Variants in BABAM2 observed in about 807,000 individuals in gnomAD.
BABAM2 encodes BRISC and BRCA1-A complex member 2.
A neutral mutation model predicts 54.7 loss-of-function variants in BABAM2; 31 were observed. The ratio of observed to expected loss-of-function variants is 0.57; its 90% confidence interval spans 0.43 to 0.77. The LOEUF (loss-of-function observed/expected upper bound fraction) is 0.77. BABAM2 is among the 30% of genes least tolerant of loss of function. The pLI is 0.00. For synonymous variants in BABAM2, 167 were observed against 162.9 expected (o/e 1.03, Z -0.19); for missense variants, 364 against 455.8 (o/e 0.80, Z 1.83).
intron 6 of BABAM2, among the ~76,000 whole-genome samples, chr2:28,109,477 C>A (rs916623323): frequency 3.3e-5 from 5 of 152,022 alleles, no homozygotes; most frequent in African/African-American, 9.7e-5. Flanking sequence ...TGTGAGCCAC[C>A]GCACCCTGCC....
At chr2:27,908,761 C>G (rs1666370056) in intron 2 of BABAM2, among the ~76,000 whole-genome samples, 1 of 152,166 alleles carries the variant, frequency 6.6e-6, no homozygotes, top group Non-Finnish European at 1.5e-5. Context: ...GCAGCTGCAT[C>G]TATGTTGCTG....
chr2:28,250,835 G>A (rs963454849), intron 10 of BABAM2, among the ~76,000 whole-genome samples: 1 of 151,978 alleles, frequency 6.6e-6, no homozygotes, highest in Non-Finnish European at 1.5e-5. Context: ...TCCTGACCTC[G>A]TGATCTACCC....
intron 7 of BABAM2, among the ~76,000 whole-genome samples, chr2:28,213,410 C>T (rs1459930180): frequency 2.0e-5 from 3 of 151,916 alleles, no homozygotes; most frequent in African/African-American, 4.8e-5. Flanking sequence ...TTGAGACATA[C>T]ATGCAAATTG....
At chr2:28,326,887 T>TCC in intron 11 of BABAM2, among the ~76,000 whole-genome samples, 1 of 151,622 alleles carries the variant, frequency 6.6e-6, no homozygotes, top group Non-Finnish European at 1.5e-5. Context: ...CCCTTCCCCT[T>TCC]CCTTGTAATG....
At chr2:28,049,246 GA>G (rs2148618049) in intron 6 of BABAM2, among the ~76,000 whole-genome samples, 1 of 152,276 alleles carries the variant, frequency 6.6e-6, no homozygotes, top group East Asian at 1.9e-4. Flanking sequence ...CAAAAATATG[GA>G]GGCAAATTGT....
At chr2:28,175,004 A>C (rs1460234082) in intron 7 of BABAM2, among the ~76,000 whole-genome samples, 1 of 152,088 alleles carries the variant, frequency 6.6e-6, no homozygotes, top group Admixed American at 6.5e-5. Context: ...GGAAGCCAAA[A>C]TGCATGCTTC....
At chr2:28,278,948 G>C (rs1402734995) in intron 10 of BABAM2, among the ~76,000 whole-genome samples, 1 of 152,252 alleles carries the variant, frequency 6.6e-6, no homozygotes, top group Non-Finnish European at 1.5e-5. Flanking sequence ...GCGGAAGCCA[G>C]ATGTGAATGG....
chr2:28,141,309 CCCCATGAT>C (rs77881856), intron 7 of BABAM2, among the ~76,000 whole-genome samples: 37,042 of 151,862 alleles, frequency 0.24, 5,088 homozygotes, highest in Middle Eastern at 0.33. Flanking sequence ...AACCCTAAAC[CCCCATGAT>C]GCCATGAGGC....
chr2:27,946,448 C>T (rs1669302849), intron 3 of BABAM2, among the ~76,000 whole-genome samples: 1 of 152,130 alleles, frequency 6.6e-6, no homozygotes, highest in African/African-American at 2.4e-5. Flanking sequence ...TGCTGTATTT[C>T]TTTTCTTTAC....
At chr2:28,249,076 T>C (rs566572256) in intron 10 of BABAM2, among the ~76,000 whole-genome samples, 89 of 151,648 alleles carry the variant, frequency 5.9e-4, no homozygotes, top group African/African-American at 2.2e-3. Context: ...TTTTTGTTTG[T>C]TTGTTTGCTT....
chr2:28,312,821 A>G (rs960219652), intron 11 of BABAM2, among the ~76,000 whole-genome samples: 3 of 152,216 alleles, frequency 2.0e-5, no homozygotes, highest in Non-Finnish European at 4.4e-5. Context: ...TAGACATTCA[A>G]TGAAATAATC....
At chr2:27,961,316 C>T (rs1432141174) in intron 3 of BABAM2, among the ~76,000 whole-genome samples, 5 of 152,072 alleles carry the variant, frequency 3.3e-5, no homozygotes, top group Admixed American at 1.3e-4. Context: ...TGCGGTGGTG[C>T]GAAAGTGATA....
intron 3 of BABAM2, among the ~76,000 whole-genome samples, chr2:27,938,207 C>A (rs961817205): frequency 6.6e-6 from 1 of 152,102 alleles, no homozygotes; most frequent in Non-Finnish European, 1.5e-5. Flanking sequence ...GTTTAATTAC[C>A]ACAATATTTG....
chr2:28,231,371 C>G (rs929005967), intron 7 of BABAM2, among the ~76,000 whole-genome samples: 2 of 152,224 alleles, frequency 1.3e-5, no homozygotes, highest in Non-Finnish European at 2.9e-5. Flanking sequence ...GTACCCTAGT[C>G]GTGTGTTCAG....
In BABAM2 at chr2:28,047,102, A is replaced by C. The variant is rs190984109; in HGVS notation, c.570+1303A>C. ...AAACATAGGATTTTTGTACTTCATTAAACTTTCGTTTTTAGTTTCCAGTTG... is the reference window on the plus strand; with the variant it reads ...AAACATAGGATTTTTGTACTTCATTCAACTTTCGTTTTTAGTTTCCAGTTG... On this transcript the variant is annotated intron_variant, in intron 6 of 11. Transcript: ENST00000379624. 1.7e-4 allele frequency among the ~76,000 whole-genome samples: 26 copies of C among 152,294 alleles called. 1 individual carries two copies. The highest frequency in any genetic ancestry group is 3.4e-4 in the Non-Finnish European group (23 of 68,020).
At chr2:28,310,397 G>A (rs1330017776) in intron 11 of BABAM2, 4 of 438,548 alleles carry the variant, frequency 9.1e-6, no homozygotes, top group African/African-American at 3.9e-5. Context: ...GTCCCCTCAG[G>A]CCATCTCTCC....
chr2:28,195,317 G>A (rs1198232099), intron 7 of BABAM2, among the ~76,000 whole-genome samples: 1 of 151,950 alleles, frequency 6.6e-6, no homozygotes, highest in African/African-American at 2.4e-5. Context: ...AAGTTTCTTT[G>A]GACAGCATCT....
chr2:28,262,345 T>G (rs191060788), intron 10 of BABAM2, among the ~76,000 whole-genome samples: 148 of 152,282 alleles, frequency 9.7e-4, no homozygotes, highest in Non-Finnish European at 1.6e-3. Context: ...GTGGCATATA[T>G]TTGCTTTTAT....
intron 11 of BABAM2, among the ~76,000 whole-genome samples, chr2:28,335,758 A>C (rs79785599): frequency 0.014 from 2,137 of 152,300 alleles, 35 homozygotes; most frequent in African/African-American, 0.049. Flanking sequence ...TGTCCTGAGC[A>C]TGAATAAGCC....
Sources: gnomAD v4.1 joint callset for allele counts (sites outside exome capture counted in the v4.1 genomes callset) on GRCh38, gnomAD v4.1.1 for gene constraint, MANE v1.5 for transcripts, NCBI Gene and HGNC (gene_info 2026-07-23, HGNC 2026-07-21) for gene names.